The following WWOX variants were observed in gnomAD, a reference collection of about 807,000 sequenced individuals.
The protein encoded by WWOX is WW domain-containing oxidoreductase.
WWOX carries 69 observed loss-of-function variants against 46.2 expected under a neutral mutation model. The ratio of observed to expected loss-of-function variants is 1.49; its 90% CI spans 1.23 to 1.82. WWOX has a LOEUF of 1.82. Among genes scored for constraint, WWOX ranks in the 40% most tolerant of loss-of-function variants. The pLI, the probability that WWOX is intolerant of heterozygous loss-of-function variation, is 0.00. For synonymous variants in WWOX, 359 were observed against 202.6 expected, an observed-to-expected ratio of 1.77 and a Z score of -6.56; for missense variants, 919 against 542.6, an observed-to-expected ratio of 1.69 and a Z score of -6.89.
chr16:79,081,290 G>C (rs1208881907), intron 8 of WWOX, among the ~76,000 whole-genome samples: 1 of 152,022 alleles, frequency 6.6e-6, no homozygotes, highest in African/African-American at 2.4e-5. Flanking sequence ...CAGCCTCCTA[G>C]GGAGCTGGGA....
intron 8 of WWOX, among the ~76,000 whole-genome samples, chr16:78,446,834 T>G (rs1264479320): frequency 6.6e-6 from 1 of 152,004 alleles, no homozygotes; most frequent in African/African-American, 2.4e-5. Flanking sequence ...CAAACTTTTA[T>G]ATTTTTAGTA....
intron 4 of WWOX, among the ~76,000 whole-genome samples, chr16:78,115,743 C>T (rs553986208): frequency 2.0e-4 from 31 of 152,272 alleles, no homozygotes; most frequent in African/African-American, 6.0e-4. Flanking sequence ...ATTAAGGAGA[C>T]AGGAGCAAGG....
At chr16:78,899,603 C>T (rs2044778472) in intron 8 of WWOX, 1 of 152,136 alleles carries the variant, frequency 6.6e-6, no homozygotes, top group Non-Finnish European at 1.5e-5. Context: ...GAACATTGGC[C>T]ACATCCGCCA....
At chr16:78,335,916 A>G (rs1485267799) in intron 5 of WWOX, among the ~76,000 whole-genome samples, 1 of 151,958 alleles carries the variant, frequency 6.6e-6, no homozygotes, top group African/African-American at 2.4e-5. Context: ...ACATGGTGAA[A>G]CTCCATCTCT....
At chr16:78,633,963 G>A (rs533448701) in intron 8 of WWOX, among the ~76,000 whole-genome samples, 1 of 151,218 alleles carries the variant, frequency 6.6e-6, no homozygotes, top group Non-Finnish European at 1.5e-5. Context: ...CAAAGGCTGA[G>A]TGTCCTTTTA....
At chr16:78,574,396 A>G (rs143085363) in intron 8 of WWOX, among the ~76,000 whole-genome samples, 33 of 152,262 alleles carry the variant, frequency 2.2e-4, no homozygotes, top group Admixed American at 1.1e-3. Context: ...CTTACAGTCT[A>G]TCAGCCACAA....
At position 79,212,352 on chromosome 16, in the gene WWOX, C is replaced by A; in HGVS notation, c.*556C>A. On this transcript the variant is annotated 3_prime_UTR_variant, in exon 9 of 9. Coordinates refer to ENST00000566780, the MANE Select transcript of WWOX (RefSeq NM_016373.4). ...TCCCAGCCAGTGAGGATGACAGTGACACCCAGAGGGAGTAGAATACGCAGA... is the reference window on the plus strand; with the variant it reads ...TCCCAGCCAGTGAGGATGACAGTGAAACCCAGAGGGAGTAGAATACGCAGA... 1.6e-6 allele frequency: 1 copy of A among 614,210 alleles called. No individual in the cohort carries two copies. The highest frequency in any genetic ancestry group is 2.7e-6 in the Non-Finnish European group (1 of 369,688). The allele number at this position is 614,210 out of a possible 1,614,324, so 38.0% of individuals were successfully genotyped here.
intron 8 of WWOX, among the ~76,000 whole-genome samples, chr16:78,768,338 C>A (rs1235716072): frequency 6.6e-6 from 1 of 150,428 alleles, no homozygotes; most frequent in Admixed American, 6.6e-5. Flanking sequence ...GCATGTACTC[C>A]CAGCACTTTG....
At chr16:78,832,668 A>G (rs959350092) in intron 8 of WWOX, among the ~76,000 whole-genome samples, 3 of 152,096 alleles carry the variant, frequency 2.0e-5, no homozygotes, top group Admixed American at 6.5e-5. Flanking sequence ...GTGTGAATCC[A>G]TGTCCTGTGG....
intron 8 of WWOX, among the ~76,000 whole-genome samples, chr16:78,854,082 C>G (rs1276928657): frequency 1.3e-5 from 2 of 152,144 alleles, no homozygotes; most frequent in Non-Finnish European, 2.9e-5. Flanking sequence ...CTATATTTTT[C>G]TCAGCATTTA....
chr16:78,369,777 A>G (rs971152762), intron 5 of WWOX, among the ~76,000 whole-genome samples: 1 of 152,104 alleles, frequency 6.6e-6, no homozygotes, highest in African/African-American at 2.4e-5. Context: ...ACAGTTGTGT[A>G]TAGTAATGTG....
chr16:78,867,354 A>T (rs375222030), intron 8 of WWOX, among the ~76,000 whole-genome samples: 2 of 152,296 alleles, frequency 1.3e-5, no homozygotes, highest in East Asian at 3.9e-4. Context: ...TTTTTGTTCC[A>T]GAAATAAATG....
intron 5 of WWOX, among the ~76,000 whole-genome samples, chr16:78,334,732 T>C (rs2080839854): frequency 6.6e-6 from 1 of 151,122 alleles, no homozygotes; most frequent in African/African-American, 2.4e-5. Context: ...TGCTAACCCA[T>C]ATGGGAGAAA....
chr16:78,138,596 A>G (rs12930275), intron 4 of WWOX, among the ~76,000 whole-genome samples: 22,664 of 152,244 alleles, frequency 0.15, 1,968 homozygotes, highest in East Asian at 0.22. Context: ...ATAAGAATCC[A>G]TATCTTTTGA....
chr16:78,269,032 T>TA (rs1231009037), intron 5 of WWOX: 1 of 152,186 alleles, frequency 6.6e-6, no homozygotes, highest in African/African-American at 2.4e-5. Flanking sequence ...AGTGGACACA[T>TA]ACTCCACCAT....
intron 4 of WWOX, among the ~76,000 whole-genome samples, chr16:78,152,018 G>T (rs1459326664): frequency 6.6e-6 from 1 of 152,040 alleles, no homozygotes; most frequent in Admixed American, 6.6e-5. Context: ...GTGAAACCCC[G>T]TCTCTACTAA....
chr16:78,800,989 C>G (rs1007221805), intron 8 of WWOX, among the ~76,000 whole-genome samples: 1 of 151,720 alleles, frequency 6.6e-6, no homozygotes, highest in African/African-American at 2.4e-5. Flanking sequence ...ACTATCACCC[C>G]ATGTAATAGT....
chr16:78,514,876 C>T (rs985162880), intron 8 of WWOX, among the ~76,000 whole-genome samples: 8 of 152,050 alleles, frequency 5.3e-5, no homozygotes, highest in African/African-American at 1.9e-4. Context: ...GAATACAGCC[C>T]CATAAAGTGA....
intron 8 of WWOX, among the ~76,000 whole-genome samples, chr16:78,684,504 C>A (rs537889303): frequency 6.6e-6 from 1 of 152,256 alleles, no homozygotes; most frequent in South Asian, 2.1e-4. Context: ...TTGCAGTTCC[C>A]TCAGATTTAT....
Sources: allele counts gnomAD v4.1 joint callset (sites outside exome capture counted in the v4.1 genomes callset), GRCh38; gene constraint gnomAD v4.1.1; transcripts MANE v1.5; gene names NCBI Gene and HGNC (gene_info 2026-07-23, HGNC 2026-07-21).